The following ZC3H8 variants were observed in gnomAD, a reference collection of about 807,000 sequenced individuals.
The protein encoded by ZC3H8 is zinc finger CCCH-type containing 8, also known as zinc finger CCCH domain-containing protein 8.
In ZC3H8, 27 loss-of-function variants were observed where a neutral mutation model predicts 42.5. The observed-to-expected ratio is 0.64, with a 90% CI of 0.47 to 0.88. The LOEUF is 0.88. Among genes scored for constraint, ZC3H8 ranks in the 40% least tolerant of loss-of-function variants. ZC3H8 has a pLI of 0.00. For synonymous variants in ZC3H8, 101 were observed against 110.1 expected, an observed-to-expected ratio of 0.92 and a Z score of 0.52; for missense variants, 277 against 336.1, an observed-to-expected ratio of 0.82 and a Z score of 1.37.
At chr2:112,226,296 T>TA (rs1030399762) in intron 8 of ZC3H8, among the ~76,000 whole-genome samples, 1 of 150,124 alleles carries the variant, frequency 6.7e-6, no homozygotes, top group African/African-American at 2.4e-5. Flanking sequence ...AAAATCTAAT[T>TA]AAAAAAAAGC....
At chr2:112,253,673 T>G (rs980728034) in intron 1 of ZC3H8, among the ~76,000 whole-genome samples, 1 of 152,250 alleles carries the variant, frequency 6.6e-6, no homozygotes, top group African/African-American at 2.4e-5. Flanking sequence ...GTGTCTTTTA[T>G]GTATTGCAGT....
rs1300553557 is a variant in ZC3H8 at position 112,241,986 on chromosome 2, A to C, written c.157-3458T>G. On this transcript the variant is annotated intron_variant, in intron 2 of 8. Transcript: ENST00000409573. The stretch of plus-strand genomic sequence containing the variant: ...GGACTGAGAATTGTTACACTGCTGG[A>C]AAACCTCCTATCCACACAGCCTACT... 3.3e-5 allele frequency among the ~76,000 whole-genome samples: 5 copies of C among 152,170 alleles called. No homozygotes were observed. In the South Asian group the frequency reaches 8.3e-4, roughly 25 times the overall value.
intron 4 of ZC3H8, among the ~76,000 whole-genome samples, chr2:112,235,047 T>A (rs963457304): frequency 3.9e-5 from 6 of 152,124 alleles, no homozygotes; most frequent in Non-Finnish European, 5.9e-5. Flanking sequence ...AGGAGATTTT[T>A]ACATTAAAAA....
In ZC3H8 at chr2:112,219,526, T is replaced by C. The variant is rs187530976; in HGVS notation, c.*16-3058A>G. On this transcript the variant is annotated intron_variant, in intron 8 of 8. Coordinates refer to ENST00000409573, the MANE Select transcript of ZC3H8 (RefSeq NM_032494.3). ...GTCTTCACAACACTATTTACAACAT[T>C]ATTTACCCAGAAGTCATTCAGGACC... Among the ~76,000 whole-genome samples, 350 of 152,314 alleles carry C rather than the reference T, an allele frequency of 2.3e-3. 2 individuals are homozygous for C. Among genetic ancestry groups the C allele is most frequent in the South Asian group, 0.011 (52 of 4,824 alleles).
At chr2:112,245,393 C>T (rs879650095) in intron 2 of ZC3H8, among the ~76,000 whole-genome samples, 5 of 152,332 alleles carry the variant, frequency 3.3e-5, no homozygotes, top group Admixed American at 2.6e-4. Context: ...GTGGCTCACG[C>T]TTATAATCCC....
At chr2:112,243,988 T>C (rs1685673067) in intron 2 of ZC3H8, among the ~76,000 whole-genome samples, 1 of 146,642 alleles carries the variant, frequency 6.8e-6, no homozygotes, top group Non-Finnish European at 1.5e-5. Flanking sequence ...TAATGATAAA[T>C]AGAAACAGAG....
chr2:112,236,543 G>A lies in ZC3H8; in HGVS notation c.504+19C>T. ...AGCATGCAGGGGTCAGGTATTCCTA[G>A]AAGCATATATTCCAATACCTCTTCC... On this transcript the variant is annotated intron_variant, in intron 4 of 8. Transcript: ENST00000409573. The A allele has an allele frequency of 6.2e-7, 1 of 1,609,228 alleles. No homozygotes were observed. Among genetic ancestry groups the A allele is most frequent in the South Asian group, 1.1e-5 (1 of 89,808 alleles).
intron 5 of ZC3H8, among the ~76,000 whole-genome samples, chr2:112,233,728 G>A (rs575901057): frequency 6.6e-6 from 1 of 152,204 alleles, no homozygotes; most frequent in Non-Finnish European, 1.5e-5. Context: ...AATTAGCTGG[G>A]TGTGGTGGCT....
intron 1 of ZC3H8, among the ~76,000 whole-genome samples, chr2:112,253,639 C>A (rs935660499): frequency 1.3e-5 from 2 of 152,210 alleles, no homozygotes; most frequent in African/African-American, 4.8e-5. Context: ...CCATCCTTCA[C>A]CCATCATTTT....
chr2:112,218,219 T>C (rs1290185060), intron 8 of ZC3H8, among the ~76,000 whole-genome samples: 5 of 152,206 alleles, frequency 3.3e-5, no homozygotes, highest in Non-Finnish European at 5.9e-5. Context: ...TATATGAGGT[T>C]TAATAACATT....
intron 1 of ZC3H8, among the ~76,000 whole-genome samples, chr2:112,254,522 T>G (rs1473739110): frequency 6.6e-6 from 1 of 152,242 alleles, no homozygotes; most frequent in African/African-American, 2.4e-5. Flanking sequence ...CAGTGTCCTC[T>G]GGGAGTTTAC....
At chr2:112,253,765 CTTTT>C (rs888565681) in intron 1 of ZC3H8, among the ~76,000 whole-genome samples, 1 of 151,992 alleles carries the variant, frequency 6.6e-6, no homozygotes, top group Non-Finnish European at 1.5e-5. Context: ...TTGCTATTAT[CTTTT>C]TTTTGTGTGA....
intron 8 of ZC3H8, among the ~76,000 whole-genome samples, chr2:112,228,968 G>A (rs1405397913): frequency 6.6e-6 from 1 of 152,184 alleles, no homozygotes; most frequent in Non-Finnish European, 1.5e-5. Context: ...ATAGTCATTT[G>A]AGAAATGAAA....
chr2:112,255,011 C>A lies in ZC3H8; in HGVS notation c.-30G>T. On this transcript the variant is annotated 5_prime_UTR_variant, in exon 1 of 9. Transcript: ENST00000409573. ...CAGACAGGTCCTCCCTTTCGCGAGCCGGGAAGCTACAGAGTAACAACCCGA... is the reference window on the plus strand; with the variant it reads ...CAGACAGGTCCTCCCTTTCGCGAGCAGGGAAGCTACAGAGTAACAACCCGA... 6.3e-7 allele frequency: 1 copy of A among 1,580,134 alleles called. No individual in the cohort carries two copies. The highest frequency in any genetic ancestry group is 8.6e-7 in the Non-Finnish European group (1 of 1,164,166).
At chr2:112,250,164 C>A in intron 2 of ZC3H8, 27 bp downstream of exon 2, 1 of 1,517,372 alleles carries the variant, frequency 6.6e-7, no homozygotes, top group South Asian at 1.3e-5. Context: ...GCGTTTTCAA[C>A]TTAAACAGTG....
At chr2:112,224,095 A>G (rs559249066) in intron 8 of ZC3H8, among the ~76,000 whole-genome samples, 1 of 152,158 alleles carries the variant, frequency 6.6e-6, no homozygotes, top group Non-Finnish European at 1.5e-5. Flanking sequence ...GCTGAGATAG[A>G]TAATGCCACT....
intron 3 of ZC3H8, 23 bp downstream of exon 3, chr2:112,238,292 T>C (rs1480289116): frequency 6.2e-7 from 1 of 1,605,398 alleles, no homozygotes; most frequent in African/African-American, 1.3e-5. Context: ...AAACTTTAAA[T>C]GATAAAATAG....
chr2:112,233,958 G>T (rs1685206728), intron 5 of ZC3H8, among the ~76,000 whole-genome samples, 162 bp downstream of exon 5: 1 of 152,072 alleles, frequency 6.6e-6, no homozygotes, highest in Non-Finnish European at 1.5e-5. Context: ...TTACAGGCCT[G>T]GCTACTTTTT....
chr2:112,219,235 A>C (rs936788251), intron 8 of ZC3H8, among the ~76,000 whole-genome samples: 1 of 152,192 alleles, frequency 6.6e-6, no homozygotes, highest in African/African-American at 2.4e-5. Flanking sequence ...CATAAAAGAT[A>C]GACATATAGA....
Sources: gnomAD v4.1 joint callset for allele counts (sites outside exome capture counted in the v4.1 genomes callset) on GRCh38, gnomAD v4.1.1 for gene constraint, MANE v1.5 for transcripts, NCBI Gene and HGNC (gene_info 2026-07-23, HGNC 2026-07-21) for gene names.